Variants in UBE2F observed in about 807,000 individuals in gnomAD.
UBE2F encodes ubiquitin conjugating enzyme E2 F (putative), also known as NEDD8-conjugating enzyme UBE2F.
UBE2F carries 5 observed loss-of-function variants against 29.6 expected under a neutral mutation model. The ratio of observed to expected loss-of-function variants is 0.17; its 90% CI spans 0.09 to 0.36. The LOEUF is 0.36. Among genes scored for constraint, UBE2F ranks in the 10% least tolerant of loss-of-function variants. UBE2F has a pLI of 1.00. For missense variants in UBE2F, 141 were observed against 228.5 expected, an observed-to-expected ratio of 0.62 and a Z score of 2.47; for synonymous variants, 66 against 81.8, an observed-to-expected ratio of 0.81 and a Z score of 1.04.
intron 5 of UBE2F, among the ~76,000 whole-genome samples, chr2:238,024,052 G>A (rs2064356718): frequency 6.6e-6 from 1 of 152,104 alleles, no homozygotes; most frequent in South Asian, 2.1e-4. Context: ...CTGAAACGAT[G>A]GCAGAAATAA....
intron 5 of UBE2F, among the ~76,000 whole-genome samples, chr2:238,018,396 AGGTATATCT>A (rs1384161150): frequency 0.017 from 2,583 of 152,288 alleles, 70 homozygotes; most frequent in African/African-American, 0.059. Flanking sequence ...CCATTGTTTC[AGGTATATCT>A]GGCATCATCT....
intron 2 of UBE2F, among the ~76,000 whole-genome samples, chr2:237,977,768 A>G (rs1358094617): frequency 6.6e-6 from 1 of 152,060 alleles, no homozygotes; most frequent in Non-Finnish European, 1.5e-5. Context: ...AGAAAAGTAG[A>G]GTGTTGGAGT....
chr2:237,988,576 A>G (rs2063526194), intron 3 of UBE2F, among the ~76,000 whole-genome samples: 1 of 149,342 alleles, frequency 6.7e-6, no homozygotes, highest in African/African-American at 2.5e-5. Context: ...AGATTGCGCC[A>G]TTGCACTCCA....
chr2:237,990,972 A>C (rs2063575968), intron 3 of UBE2F, among the ~76,000 whole-genome samples: 1 of 152,140 alleles, frequency 6.6e-6, no homozygotes, highest in African/African-American at 2.4e-5. Context: ...TAAATGGTTC[A>C]TTCATCCTTG....
intron 1 of UBE2F, among the ~76,000 whole-genome samples, chr2:237,968,135 C>A (rs1045151041): frequency 5.3e-5 from 8 of 152,020 alleles, no homozygotes; most frequent in Non-Finnish European, 1.5e-5. Context: ...AGGAAACTGG[C>A]CTGCCTGGTG....
At chr2:237,975,299 G>A (rs1253079416) in intron 2 of UBE2F, among the ~76,000 whole-genome samples, 1 of 151,264 alleles carries the variant, frequency 6.6e-6, no homozygotes, top group Non-Finnish European at 1.5e-5. Flanking sequence ...TTGTAGAGAT[G>A]GGGTTTCATT....
rs539322925 is a variant in UBE2F, at chr2:238,011,067, T to C, written c.215-5499T>C. Among the ~76,000 whole-genome samples the C allele has an allele frequency of 6.9e-4, 105 of 152,262 alleles. 1 individual carries two copies. The Middle Eastern group carries it at 0.01, about 15-fold the overall frequency. On this transcript the variant is annotated intron_variant, in intron 4 of 9. Coordinates refer to ENST00000272930, the MANE Select transcript of UBE2F (RefSeq NM_080678.3). Reference sequence around the variant, plus strand: ...CATTACCATCTCTCACCTGGATGATTACAACAGATAACCACAACTGGGCTC... The same window carrying C: ...CATTACCATCTCTCACCTGGATGATCACAACAGATAACCACAACTGGGCTC...
chr2:238,014,176 G>A (rs903953129), intron 4 of UBE2F, among the ~76,000 whole-genome samples: 10 of 152,234 alleles, frequency 6.6e-5, no homozygotes, highest in African/African-American at 2.4e-5. Context: ...TTTCATCTCA[G>A]TCCAGTCTGC....
At chr2:238,019,465 C>G (rs1490971498) in intron 5 of UBE2F, among the ~76,000 whole-genome samples, 1 of 151,974 alleles carries the variant, frequency 6.6e-6, no homozygotes, top group African/African-American at 2.4e-5. Context: ...CCTGCGGGTT[C>G]AAGTGATTGT....
intron 5 of UBE2F, among the ~76,000 whole-genome samples, chr2:238,017,502 G>A (rs951263984): frequency 3.3e-5 from 5 of 152,186 alleles, no homozygotes; most frequent in East Asian, 3.8e-4. Flanking sequence ...AAACTCAGAT[G>A]TGGGGGTTTG....
At chr2:237,976,418 G>T (rs527277022) in intron 2 of UBE2F, among the ~76,000 whole-genome samples, 25 of 152,322 alleles carry the variant, frequency 1.6e-4, no homozygotes, top group African/African-American at 6.0e-4. Context: ...AGCACTTAGG[G>T]CCAGGCCCTC....
At chr2:237,977,086 C>T (rs6708774) in intron 2 of UBE2F, among the ~76,000 whole-genome samples, 63,583 of 151,984 alleles carry the variant, frequency 0.42, 13,568 homozygotes, top group East Asian at 0.71. Flanking sequence ...TCTGCCGGCT[C>T]CAGGGCTGAC....
intron 1 of UBE2F, among the ~76,000 whole-genome samples, chr2:237,970,076 C>T (rs77933355): frequency 0.018 from 2,714 of 152,258 alleles, 71 homozygotes; most frequent in African/African-American, 0.062. Context: ...GAGATAAAAA[C>T]ATTTCCTGCC....
chr2:238,041,122 G>C (rs368613312), intron 9 of UBE2F, among the ~76,000 whole-genome samples, 166 bp from the exon 10 acceptor site: 56 of 152,216 alleles, frequency 3.7e-4, no homozygotes, highest in Non-Finnish European at 4.4e-4. Context: ...CACCCAGGTC[G>C]TGGCGAAATG....
intron 2 of UBE2F, among the ~76,000 whole-genome samples, chr2:237,987,001 A>G (rs776701833): frequency 5.3e-5 from 8 of 152,076 alleles, no homozygotes; most frequent in Non-Finnish European, 1.0e-4. Flanking sequence ...CAAATTTTAG[A>G]ATTGTTTTTT....
chr2:238,016,824 T>G (rs1030173037), intron 5 of UBE2F, among the ~76,000 whole-genome samples, 191 bp downstream of exon 5: 1 of 152,192 alleles, frequency 6.6e-6, no homozygotes, highest in African/African-American at 2.4e-5. Context: ...AGAATTCCGT[T>G]TATTCAGCAA....
intron 2 of UBE2F, among the ~76,000 whole-genome samples, chr2:237,978,164 C>G (rs2063318252): frequency 6.6e-6 from 1 of 152,186 alleles, no homozygotes; most frequent in Non-Finnish European, 1.5e-5. Context: ...TGAGGGTTGC[C>G]TGGGACAGGT....
chr2:238,034,428 C>CA (rs913371911), intron 8 of UBE2F, among the ~76,000 whole-genome samples: 50 of 148,822 alleles, frequency 3.4e-4, no homozygotes, highest in African/African-American at 4.4e-4. Flanking sequence ...AAATCCGTCT[C>CA]AAAAAAAAAA....
At chr2:238,009,762 C>A (rs993884694) in intron 4 of UBE2F, among the ~76,000 whole-genome samples, 35 of 152,306 alleles carry the variant, frequency 2.3e-4, no homozygotes, top group African/African-American at 8.2e-4. Flanking sequence ...TCTTCTCTTT[C>A]AACAGTCTGA....
Sources: allele counts gnomAD v4.1 joint callset (sites outside exome capture counted in the v4.1 genomes callset), GRCh38; gene constraint gnomAD v4.1.1; transcripts MANE v1.5; gene names NCBI Gene and HGNC (gene_info 2026-07-23, HGNC 2026-07-21).